Variants in SORCS2 observed in about 807,000 individuals in gnomAD.
The protein encoded by SORCS2 is VPS10 domain-containing receptor SorCS2.
SORCS2 carries 100 observed loss-of-function variants against 141.6 expected under a neutral mutation model. The ratio of observed to expected loss-of-function variants is 0.71; its 90% CI spans 0.60 to 0.83. The LOEUF (loss-of-function observed/expected upper bound fraction) is 0.83, where lower values mean the gene tolerates loss of function less well. SORCS2 is among the 40% of genes least tolerant of loss of function. SORCS2 has a pLI of 0.00. For synonymous variants in SORCS2, 789 were observed against 676.9 expected (o/e 1.17, Z -2.57); for missense variants, 1,646 against 1,560.2 (o/e 1.05, Z -0.93).
intron 3 of SORCS2, among the ~76,000 whole-genome samples, chr4:7,538,587 TCACACACA>T (rs34526550): frequency 1.7e-4 from 25 of 150,578 alleles, no homozygotes; most frequent in Non-Finnish European, 7.4e-5. Context: ...AATATTAAAA[TCACACACA>T]CACACACACA....
At chr4:7,388,771 G>A (rs1021032635) in intron 1 of SORCS2, among the ~76,000 whole-genome samples, 4 of 152,202 alleles carry the variant, frequency 2.6e-5, no homozygotes, top group Non-Finnish European at 5.9e-5. Flanking sequence ...CATCGGCTCC[G>A]ACACATCCTT....
chr4:7,723,635 A>T, intron 18 of SORCS2, 62 bp from the exon 19 acceptor site: 7 of 1,566,284 alleles, frequency 4.5e-6, no homozygotes, highest in Non-Finnish European at 6.1e-6. Context: ...GAGTGAATGA[A>T]CCACTCTGGC....
chr4:7,472,394 G>T (rs1730031558), intron 2 of SORCS2, among the ~76,000 whole-genome samples: 1 of 152,192 alleles, frequency 6.6e-6, no homozygotes, highest in South Asian at 2.1e-4. Context: ...TGGACGGCAT[G>T]TTCCCCGCCT....
intron 3 of SORCS2, among the ~76,000 whole-genome samples, chr4:7,534,386 GTGGGCT>G (rs979236526): frequency 1.3e-5 from 2 of 152,208 alleles, no homozygotes; most frequent in African/African-American, 4.8e-5. Flanking sequence ...GTGATCAAGG[GTGGGCT>G]TGACAGGTGA....
In SORCS2 at chr4:7,330,115, G is replaced by A. The variant is rs181153764; in HGVS notation, c.481-66173G>A. Among the ~76,000 whole-genome samples, 275 of 151,678 alleles carry A rather than the reference G, an allele frequency of 1.8e-3. 3 individuals are homozygous for A. Among genetic ancestry groups the A allele is most frequent in the African/African-American group, 6.2e-3 (258 of 41,314 alleles). Reference sequence around the variant, plus strand: ...TTCCCTCACATCACTCCAGCCTCCCGCTTCCATTGCCGCCTGTCCTGGCTC... The same window carrying A: ...TTCCCTCACATCACTCCAGCCTCCCACTTCCATTGCCGCCTGTCCTGGCTC... On this transcript the variant is annotated intron_variant, in intron 1 of 26. Transcript: ENST00000507866.
At chr4:7,324,655 G>A (rs181252327) in intron 1 of SORCS2, among the ~76,000 whole-genome samples, 2 of 152,210 alleles carry the variant, frequency 1.3e-5, no homozygotes, top group East Asian at 1.9e-4. Flanking sequence ...CAGGCCAGGC[G>A]ATGGGCTTTT....
At chr4:7,340,121 G>A (rs866442435) in intron 1 of SORCS2, among the ~76,000 whole-genome samples, 7 of 152,234 alleles carry the variant, frequency 4.6e-5, no homozygotes, top group Non-Finnish European at 1.0e-4. Flanking sequence ...CAAGATGAGT[G>A]TCCTTACCTT....
At chr4:7,321,589 AG>A (rs945782247) in intron 1 of SORCS2, among the ~76,000 whole-genome samples, 2 of 152,200 alleles carry the variant, frequency 1.3e-5, no homozygotes, top group Admixed American at 6.5e-5. Flanking sequence ...GACATCTCAC[AG>A]GGGGGCGGAC....
At position 7,701,192 on chromosome 4, in the gene SORCS2, A is replaced by C. The variant is rs1443894254; in HGVS notation, c.1669-2088A>C. Among the ~76,000 whole-genome samples the C allele has an allele frequency of 2.1e-5, 3 of 139,654 alleles. 1 individual carries two copies. In the East Asian group the frequency reaches 7.4e-4, roughly 34 times the overall value. The allele number at this position is 139,654 out of a possible 152,430, so 91.6% of individuals were successfully genotyped here. On this transcript the variant is annotated intron_variant, in intron 12 of 26. Coordinates refer to ENST00000507866, the MANE Select transcript of SORCS2 (RefSeq NM_020777.3). ...AACAGGAAGGAGAAAGGAGGAAGGG[A>C]GGGAGAGGGGAAGAGGGAGAGAAGG... is the stretch of plus-strand genomic sequence containing the variant.
intron 3 of SORCS2, among the ~76,000 whole-genome samples, chr4:7,616,167 C>T (rs2108818150): frequency 6.6e-6 from 1 of 152,284 alleles, no homozygotes; most frequent in South Asian, 2.1e-4. Context: ...AATCATCTCC[C>T]TGAGCCCTAC....
chr4:7,608,185 C>G (rs1435546728), intron 3 of SORCS2, among the ~76,000 whole-genome samples: 1 of 152,184 alleles, frequency 6.6e-6, no homozygotes, highest in Non-Finnish European at 1.5e-5. Context: ...CCTCCCTCGT[C>G]ACTTCCTGCC....
chr4:7,510,696 G>A (rs56171100), intron 2 of SORCS2, among the ~76,000 whole-genome samples: 1 of 22,684 alleles, frequency 4.4e-5, no homozygotes, highest in African/African-American at 2.0e-4. Flanking sequence ...CCTTGTTCTG[G>A]GCGCGGCATG....
At position 7,305,232 on chromosome 4, in the gene SORCS2, C is replaced by T. The variant is rs542221666; in HGVS notation, c.481-91056C>T. Among the ~76,000 whole-genome samples, 8 of 152,226 alleles carry T rather than the reference C, an allele frequency of 5.3e-5. No individual in the cohort carries two copies. The East Asian group carries it at 5.8e-4, about 11-fold the overall frequency. ...ATTTTTAGTAGAGATGGGGTTTCAC[C>T]GTGTTAGCCAGGATGGTCTCGATCT... On this transcript the variant is annotated intron_variant, in intron 1 of 26. Transcript: ENST00000507866.
intron 3 of SORCS2, among the ~76,000 whole-genome samples, chr4:7,553,827 G>C (rs1388150154): frequency 6.6e-6 from 1 of 152,234 alleles, no homozygotes; most frequent in African/African-American, 2.4e-5. Flanking sequence ...GTGAAGGTGG[G>C]AGGAGAGACA....
intron 2 of SORCS2, among the ~76,000 whole-genome samples, chr4:7,488,725 C>A (rs1314253787): frequency 1.3e-5 from 2 of 152,230 alleles, no homozygotes; most frequent in Non-Finnish European, 2.9e-5. Context: ...CCGTCACTGG[C>A]CATGGCAGAC....
chr4:7,308,740 TCTCCAGCACCCTGTCGTCTCG>T (rs1717997288), intron 1 of SORCS2, among the ~76,000 whole-genome samples: 3 of 151,518 alleles, frequency 2.0e-5, no homozygotes, highest in Admixed American at 6.6e-5. Flanking sequence ...CTGTCCTCTC[TCTCCAGCACCCTGTCGTCTCG>T]CTCCAGCACC....
intron 12 of SORCS2, among the ~76,000 whole-genome samples, chr4:7,702,051 G>A (rs192364971): frequency 6.6e-6 from 1 of 152,300 alleles, no homozygotes; most frequent in African/African-American, 2.4e-5. Flanking sequence ...GTGCCTTCCC[G>A]GGAGGCCCAG....
At chr4:7,243,970 C>T (rs1277112080) in intron 1 of SORCS2, among the ~76,000 whole-genome samples, 5 of 152,216 alleles carry the variant, frequency 3.3e-5, no homozygotes, top group Admixed American at 2.6e-4. Context: ...ACCGGGAGGG[C>T]CATGGCCAGA....
chr4:7,583,353 C>T (rs1433720500), intron 3 of SORCS2, among the ~76,000 whole-genome samples: 1 of 152,150 alleles, frequency 6.6e-6, no homozygotes, highest in East Asian at 1.9e-4. Flanking sequence ...TCCAACCCCC[C>T]TACACTCCTG....
Sources: gnomAD v4.1 joint callset for allele counts (sites outside exome capture counted in the v4.1 genomes callset) on GRCh38, gnomAD v4.1.1 for gene constraint, MANE v1.5 for transcripts, NCBI Gene and HGNC (gene_info 2026-07-23, HGNC 2026-07-21) for gene names.